CABIN1: variants seen among roughly 807,000 people sequenced by gnomAD.
CABIN1 encodes the protein calcineurin binding protein 1.
A neutral mutation model predicts 227.7 loss-of-function variants in CABIN1; 133 were observed. The observed-to-expected ratio is 0.58, with a 90% CI of 0.51 to 0.67. The LOEUF (loss-of-function observed/expected upper bound fraction) is 0.67, where lower values mean the gene tolerates loss of function less well. Ranked by LOEUF, CABIN1 falls within the 30% of genes least tolerant of loss-of-function variation. CABIN1 has a pLI of 0.00. For synonymous variants in CABIN1, 1,086 were observed against 1,155.1 expected (o/e 0.94, Z 1.21); for missense variants, 2,408 against 2,852.5 (o/e 0.84, Z 3.55).
At chr22:24,016,590 G>C (rs1053331538) in intron 1 of CABIN1, among the ~76,000 whole-genome samples, 1 of 152,186 alleles carries the variant, frequency 6.6e-6, no homozygotes, top group Non-Finnish European at 1.5e-5. Context: ...GTTACAAACA[G>C]TGCTGCACGG....
chr22:24,161,283 T>C (rs2046138228), intron 29 of CABIN1, among the ~76,000 whole-genome samples: 1 of 152,132 alleles, frequency 6.6e-6, no homozygotes. Context: ...CCTCTGAGGC[T>C]ATTGGTGTGC....
rs554696677 is a variant in CABIN1, at chr22:24,087,921, A to G, written c.3525+208A>G. ...TCTTTGGACACCCAGTCTAGTGTAGACAAATTAGGGACAGGCTGTTAGACC... is the reference window on the plus strand; with the variant it reads ...TCTTTGGACACCCAGTCTAGTGTAGGCAAATTAGGGACAGGCTGTTAGACC... On this transcript the variant is annotated intron_variant, in intron 23 of 36. Coordinates refer to ENST00000263119, the MANE Select transcript of CABIN1 (RefSeq NM_012295.4). Among the ~76,000 whole-genome samples, 16 of 135,566 alleles carry G rather than the reference A, an allele frequency of 1.2e-4. No individual in the cohort carries two copies. In the South Asian group the frequency reaches 2.7e-3, roughly 23 times the overall value. 88.9% of individuals were successfully genotyped at this position (135,566 alleles called of 152,430 possible).
chr22:24,090,648 C>T (rs2041485324), intron 23 of CABIN1, among the ~76,000 whole-genome samples: 1 of 151,948 alleles, frequency 6.6e-6, no homozygotes, highest in South Asian at 2.1e-4. Flanking sequence ...GAGAGACATC[C>T]AAGGGCCGGC....
chr22:24,177,313 CAG>C lies in CABIN1; in HGVS notation c.6206-188_6206-187del, dbSNP rs1229792495. 6.6e-6 allele frequency among the ~76,000 whole-genome samples: 1 copy of C among 152,202 alleles called. No individual in the cohort carries two copies. Among genetic ancestry groups the C allele is most frequent in the Non-Finnish European group, 1.5e-5 (1 of 68,020 alleles). On this transcript the variant is annotated intron_variant, in intron 35 of 36. Transcript: ENST00000263119. The surrounding 1 kb of genome is among the most constrained non-coding windows in gnomAD (Gnocchi z 4.4). Reference sequence around the variant, plus strand: ...TTCACAGTCCCAGCACCCCACAGCTCAGAGCCAGAGTTGGGTCCCTGCAGGCC... The same window carrying C: ...TTCACAGTCCCAGCACCCCACAGCTCAGCCAGAGTTGGGTCCCTGCAGGCC...
intron 29 of CABIN1, among the ~76,000 whole-genome samples, chr22:24,153,657 G>A (rs1371710159): frequency 4.6e-5 from 7 of 152,158 alleles, no homozygotes; most frequent in African/African-American, 1.4e-4. Flanking sequence ...GTCAGACATG[G>A]CAGTATCCAT....
At chr22:24,121,806 G>A (rs988322811) in intron 28 of CABIN1, among the ~76,000 whole-genome samples, 1 of 152,220 alleles carries the variant, frequency 6.6e-6, no homozygotes, top group Non-Finnish European at 1.5e-5. Flanking sequence ...GTGTCCTTCT[G>A]TTCAAGTGCC....
At chr22:24,168,357 A>G (rs1569315509) in intron 32 of CABIN1, 90 bp from the exon 33 acceptor site, 1 of 1,295,124 alleles carries the variant, frequency 7.7e-7, no homozygotes. Context: ...CCCCCTACCT[A>G]GGCTGGTCTG....
At chr22:24,028,479 C>T (rs1438328159) in intron 1 of CABIN1, among the ~76,000 whole-genome samples, 1 of 152,218 alleles carries the variant, frequency 6.6e-6, no homozygotes, top group Non-Finnish European at 1.5e-5. Flanking sequence ...GAAGCTTGCC[C>T]TGTCCTTCAA....
At position 24,166,840 on chromosome 22, in the gene CABIN1, G is replaced by T. The variant is rs892799657; in HGVS notation, c.5209G>T (p.Ala1737Ser). ...CAACCACCGGCCTGTGGCCATGGAT[G>T]CAGGAGACAGTGCAGACCAAAGCGG... ...LLNHRPVAMDAGDSADQSGER... is the reference protein window; with the variant it reads ...LLNHRPVAMDSGDSADQSGER... The change falls in exon 32 of 37, where the codon GCA becomes TCA. Residue 1737 changes from alanine (A) to serine (S), a missense_variant. Ala to Ser is a moderately conservative substitution (Grantham distance 99). Transcript: ENST00000263119. 5 of 1,612,864 alleles carry T rather than the reference G, an allele frequency of 3.1e-6. No individual in the cohort carries two copies. Among genetic ancestry groups the T allele is most frequent in the Non-Finnish European group, 4.2e-6 (5 of 1,179,952 alleles).
chr22:24,021,783 C>G lies in CABIN1; in HGVS notation c.-75+10416C>G, dbSNP rs146466669. Among the ~76,000 whole-genome samples the G allele has an allele frequency of 6.1e-3, 924 of 152,338 alleles. 8 individuals carry two copies. The highest frequency in any genetic ancestry group is 0.021 in the African/African-American group (891 of 41,582). On this transcript the variant is annotated intron_variant, in intron 1 of 36. Coordinates refer to ENST00000263119, the MANE Select transcript of CABIN1 (RefSeq NM_012295.4). ...GTGCAGTGGCTCTGCCTCCCAGGTTCAAGCGATTCTCCTGCCTCAGCTTCC... is the reference window on the plus strand; with the variant it reads ...GTGCAGTGGCTCTGCCTCCCAGGTTGAAGCGATTCTCCTGCCTCAGCTTCC...
chr22:24,159,774 A>G (rs181526990), intron 29 of CABIN1, among the ~76,000 whole-genome samples: 3 of 152,246 alleles, frequency 2.0e-5, no homozygotes, highest in Admixed American at 2.0e-4. Flanking sequence ...TTCCTGCAAC[A>G]TTGCCCAAGG....
At chr22:24,130,378 C>T (rs2043999725) in intron 28 of CABIN1, among the ~76,000 whole-genome samples, 1 of 152,184 alleles carries the variant, frequency 6.6e-6, no homozygotes, top group Non-Finnish European at 1.5e-5. Context: ...AGAGTCCTTG[C>T]AGCCTGGACC....
chr22:24,018,217 T>C (rs2035446806), intron 1 of CABIN1, among the ~76,000 whole-genome samples: 1 of 152,208 alleles, frequency 6.6e-6, no homozygotes, highest in Non-Finnish European at 1.5e-5. Flanking sequence ...CAGTGGTATA[T>C]GTTGCAAATA....
intron 26 of CABIN1, among the ~76,000 whole-genome samples, chr22:24,104,087 G>A (rs1202922026): frequency 6.6e-6 from 1 of 152,134 alleles, no homozygotes; most frequent in African/African-American, 2.4e-5. Flanking sequence ...AGAGAGCTTG[G>A]GAAAGCAGCT....
At chr22:24,059,854 A>G (rs2039063323) in intron 11 of CABIN1, 70 bp from the exon 12 acceptor site, 3 of 1,362,544 alleles carry the variant, frequency 2.2e-6, no homozygotes, top group Non-Finnish European at 3.1e-6. Context: ...TACTGTCCCA[A>G]AGTAAATAGG....
chr22:24,057,730 G>T (rs2038903652), intron 10 of CABIN1, among the ~76,000 whole-genome samples: 1 of 152,224 alleles, frequency 6.6e-6, no homozygotes, highest in African/African-American at 2.4e-5. Flanking sequence ...TGAGGTGAAG[G>T]TGAAATGCTT....
chr22:24,087,831 G>C (rs1245540373), intron 23 of CABIN1, 118 bp downstream of exon 23: 1 of 1,330,664 alleles, frequency 7.5e-7, no homozygotes, highest in East Asian at 2.4e-5. Context: ...CATGCTGGGA[G>C]CTCACTGACG....
intron 19 of CABIN1, among the ~76,000 whole-genome samples, chr22:24,078,005 C>A (rs2040554466): frequency 6.6e-6 from 1 of 152,192 alleles, no homozygotes; most frequent in Non-Finnish European, 1.5e-5. Context: ...CAAGGCCCAG[C>A]CTTTACATTT....
At chr22:24,155,893 A>G in intron 29 of CABIN1, 1 of 438,392 alleles carries the variant, frequency 2.3e-6, no homozygotes, top group Non-Finnish European at 4.1e-6. Flanking sequence ...AGGGAACCGG[A>G]GAGGATTGGC....
Sources: gnomAD v4.1 joint callset for allele counts (sites outside exome capture counted in the v4.1 genomes callset) on GRCh38, gnomAD v4.1.1 for gene constraint, Gnocchi (gnomAD v3.1) non-coding constraint, MANE v1.5 for transcripts, NCBI Gene and HGNC (gene_info 2026-07-23, HGNC 2026-07-21) for gene names.